The following NDC80 variants were observed in gnomAD, a reference collection of about 807,000 sequenced individuals.
NDC80 encodes NDC80 kinetochore complex component, also known as kinetochore protein NDC80 homolog.
NDC80 carries 69 observed loss-of-function variants against 89.3 expected under a neutral mutation model. That is an observed-to-expected ratio of 0.77 (90% CI 0.64 to 0.94). NDC80 has a LOEUF of 0.94. Among genes scored for constraint, NDC80 ranks in the 40% least tolerant of loss-of-function variants. NDC80 has a pLI of 0.00. For missense variants in NDC80, 593 were observed against 739.6 expected (o/e 0.80, Z 2.30); for synonymous variants, 243 against 255.6 (o/e 0.95, Z 0.47).
At chr18:2,589,335 A>C (rs769137790) in intron 9 of NDC80, 25 bp downstream of exon 9, 2 of 1,504,732 alleles carry the variant, frequency 1.3e-6, no homozygotes, top group Non-Finnish European at 1.8e-6. Context: ...TTACACACTT[A>C]CTTGAGAGCT....
chr18:2,580,731 A>ATTTGTTTTTTTTTTT (rs2072572858), intron 6 of NDC80, among the ~76,000 whole-genome samples: 1 of 55,418 alleles, frequency 1.8e-5, no homozygotes, highest in Non-Finnish European at 3.5e-5. Context: ...TCACCATCAG[A>ATTTGTTTTTTTTTTT]TTTTTTTTTT....
At position 2,603,351 on chromosome 18, in the gene NDC80, T is replaced by TTATATATATATATA. The variant is rs1179070812; in HGVS notation, c.1464+1870_1464+1871insTATATATATATATA. Among the ~76,000 whole-genome samples, 488 of 80,848 alleles carry TTATATATATATATA rather than the reference T, an allele frequency of 6.0e-3. 8 individuals are homozygous for TTATATATATATATA. Among genetic ancestry groups the TTATATATATATATA allele is most frequent in the African/African-American group, 0.023 (451 of 19,852 alleles). 53.0% of individuals were successfully genotyped at this position (80,848 alleles called of 152,430 possible). On this transcript the variant is annotated intron_variant, in intron 13 of 16. Coordinates refer to ENST00000261597, the MANE Select transcript of NDC80 (RefSeq NM_006101.3). ...TGGAGAACAACAGAAGAGAATATGT[T>TTATATATATATATA]TATACATATATATATATATATATAT... is the stretch of plus-strand genomic sequence containing the variant.
chr18:2,589,400 A>G (rs2072616547), intron 9 of NDC80, 90 bp downstream of exon 9: 2 of 867,540 alleles, frequency 2.3e-6, no homozygotes, highest in East Asian at 2.5e-5. Flanking sequence ...AAATTTTAAA[A>G]AATAGATTAA....
rs933112001 is a variant in NDC80 at position 2,585,272 on chromosome 18, A to T, written c.669+70A>T. On this transcript the variant is annotated intron_variant, in intron 7 of 16. Transcript: ENST00000261597. ...TTATTGTGTCACTATTGGATTTAAT[A>T]CAGATGCCCCTCGACTTATGATAGA... 1.3e-5 allele frequency: 16 copies of T among 1,187,804 alleles called. No individual in the cohort carries two copies. The African/African-American group carries it at 2.1e-4, about 16-fold the overall frequency. The allele number at this position is 1,187,804 out of a possible 1,614,324, so 73.6% of individuals were successfully genotyped here. A position where few individuals can be genotyped will look rare whatever the true frequency, so the allele number is the denominator to read the frequency against.
chr18:2,583,808 C>T (rs946098326), intron 6 of NDC80, among the ~76,000 whole-genome samples: 5 of 152,010 alleles, frequency 3.3e-5, no homozygotes, highest in African/African-American at 4.8e-5. Context: ...AACAAAGAAT[C>T]TTCTGAATGC....
At chr18:2,579,698 A>G (rs191878610) in intron 6 of NDC80, among the ~76,000 whole-genome samples, 225 of 152,342 alleles carry the variant, frequency 1.5e-3, no homozygotes, top group African/African-American at 5.2e-3. Flanking sequence ...AAGTGCTGGG[A>G]TTACAGGCCT....
At chr18:2,593,212 G>A (rs572179173) in intron 10 of NDC80, among the ~76,000 whole-genome samples, 17 of 151,930 alleles carry the variant, frequency 1.1e-4, no homozygotes, top group Admixed American at 2.6e-4. Flanking sequence ...GTGCCACCAC[G>A]CCTGGCTAAT....
intron 9 of NDC80, 130 bp from the exon 10 acceptor site, chr18:2,589,888 C>A: frequency 2.0e-5 from 11 of 537,008 alleles, no homozygotes; most frequent in Non-Finnish European, 2.8e-5. Context: ...CTTTTGACTT[C>A]CTCTAAAAAT....
In NDC80 at chr18:2,610,851, G is replaced by T. The variant is rs201624661; in HGVS notation, c.1781G>T (p.Gly594Val). Reference protein sequence around the residue: ...RLLEMVATHVGSVEKHLEEQI... With the variant: ...RLLEMVATHVVSVEKHLEEQI... ...TTAGAGATGGTTGCTACACATGTTG[G>T]GTCTGTAGAGGTAAGTATGTGATGG... is the stretch of plus-strand genomic sequence containing the variant. The change falls in exon 16 of 17, where the codon GGG becomes GTG. Residue 594 changes from glycine to valine, a missense_variant. Transcript: ENST00000261597. 2 of 1,541,486 alleles carry T rather than the reference G, an allele frequency of 1.3e-6. No homozygotes were observed. The highest frequency in any genetic ancestry group is 4.6e-5 in the East Asian group (2 of 43,130).
Position 2,614,557 on chromosome 18 carries a change from AAGGAAGG to A in NDC80, c.1792-1879_1792-1873del, listed in dbSNP as rs1209111526. 3.1e-3 allele frequency: 14 copies of A among 4,470 alleles called. 6 individuals are homozygous for A. Among genetic ancestry groups the A allele is most frequent in the African/African-American group, 0.017 (13 of 776 alleles). The allele number at this position is 4,470 out of a possible 1,614,324, so 0.3% of individuals were successfully genotyped here. A position where few individuals can be genotyped will look rare whatever the true frequency, so the allele number is the denominator to read the frequency against. ...GAAGGAAGGAAGGAAGGAAGGAAGGAAGGAAGGGAAAGAAAGAAAGAAAGAAAGAAAG... is the reference window on the plus strand; with the variant it reads ...GAAGGAAGGAAGGAAGGAAGGAAGGAGAAAGAAAGAAAGAAAGAAAGAAAG... On this transcript the variant is annotated intron_variant, in intron 16 of 16. Transcript: ENST00000261597.
chr18:2,590,313 C>A, intron 10 of NDC80, 151 bp downstream of exon 10: 1 of 747,806 alleles, frequency 1.3e-6, no homozygotes, highest in East Asian at 3.1e-5. Context: ...TATTTGTTTC[C>A]TAAGGCTGCT....
chr18:2,592,154 G>T (rs903220785), intron 10 of NDC80, among the ~76,000 whole-genome samples: 1 of 152,116 alleles, frequency 6.6e-6, no homozygotes, highest in South Asian at 2.1e-4. Context: ...AACTTTTTCT[G>T]ATAGCTGCAA....
chr18:2,574,283 A>G (rs573247286), intron 2 of NDC80, among the ~76,000 whole-genome samples: 2 of 152,328 alleles, frequency 1.3e-5, no homozygotes, highest in East Asian at 1.9e-4. Context: ...AATGGGAGGA[A>G]TAAGTCCTGG....
chr18:2,573,941 TAA>T (rs11382759), intron 2 of NDC80, among the ~76,000 whole-genome samples: 3 of 147,226 alleles, frequency 2.0e-5, no homozygotes, highest in Admixed American at 6.8e-5. Context: ...GAGCAGGCTC[TAA>T]AAAAAAAAAA....
intron 10 of NDC80, among the ~76,000 whole-genome samples, chr18:2,591,235 A>G (rs1208974588): frequency 6.6e-6 from 1 of 152,236 alleles, no homozygotes; most frequent in Admixed American, 6.5e-5. Context: ...GCTTACTTTC[A>G]TAAACACAGC....
chr18:2,585,050 T>G, intron 6 of NDC80, 63 bp from the exon 7 acceptor site: 1 of 1,292,090 alleles, frequency 7.7e-7, no homozygotes, highest in Non-Finnish European at 1.1e-6. Flanking sequence ...AAACAGAATT[T>G]GCCAAAAAAT....
intron 7 of NDC80, among the ~76,000 whole-genome samples, chr18:2,586,030 AACATTAAGATTAT>A (rs981457478): frequency 1.2e-4 from 18 of 152,246 alleles, no homozygotes; most frequent in African/African-American, 4.3e-4. Context: ...AGATAAAGGA[AACATTAAGATTAT>A]ACATTAATAC....
At position 2,593,371 on chromosome 18, in the gene NDC80, T is replaced by C. The variant is rs549226786; in HGVS notation, c.1016-2045T>C. On this transcript the variant is annotated intron_variant, in intron 10 of 16. Coordinates refer to ENST00000261597, the MANE Select transcript of NDC80 (RefSeq NM_006101.3). ...ATTATATTCTTATGCAGGACTGCGTTAAGATCCAGTAGTTCTTAAACAATG... is the reference window on the plus strand; with the variant it reads ...ATTATATTCTTATGCAGGACTGCGTCAAGATCCAGTAGTTCTTAAACAATG... 3.3e-5 allele frequency among the ~76,000 whole-genome samples: 5 copies of C among 152,340 alleles called. No individual in the cohort carries two copies. The East Asian group carries it at 9.7e-4, about 29-fold the overall frequency.
intron 10 of NDC80, among the ~76,000 whole-genome samples, chr18:2,592,623 TG>T (rs2072633247): frequency 6.6e-6 from 1 of 152,076 alleles, no homozygotes; most frequent in African/African-American, 2.4e-5. Flanking sequence ...CCTCCCAAAG[TG>T]CTGGGGTTAC....
Sources: gnomAD v4.1 joint callset for allele counts (sites outside exome capture counted in the v4.1 genomes callset) on GRCh38, gnomAD v4.1.1 for gene constraint, MANE v1.5 for transcripts, NCBI Gene and HGNC (gene_info 2026-07-23, HGNC 2026-07-21) for gene names.